The following STAC variants were observed in gnomAD, a reference collection of about 807,000 sequenced individuals.
The protein encoded by STAC is SH3 and cysteine-rich domain-containing protein.
In STAC, 43 loss-of-function variants were observed where a neutral mutation model predicts 48.8. The observed-to-expected ratio is 0.88, with a 90% confidence interval of 0.69 to 1.14. STAC has a LOEUF of 1.14. STAC is among the 50% of genes most tolerant of loss of function. The probability of loss-of-function intolerance (pLI) is 0.00; values close to 1 mark genes in which losing one functional copy is unlikely to be tolerated. For synonymous variants in STAC, 193 were observed against 179.5 expected, an observed-to-expected ratio of 1.07 and a Z score of -0.60; for missense variants, 497 against 504.0, an observed-to-expected ratio of 0.99 and a Z score of 0.13.
At chr3:36,482,851 A>G (rs767914948) in intron 2 of STAC, 141 bp from the exon 3 acceptor site, 12 of 620,966 alleles carry the variant, frequency 1.9e-5, no homozygotes, top group Non-Finnish European at 3.2e-5. Context: ...TCTACCATAT[A>G]TATTTTTTTT....
At chr3:36,512,737 G>A (rs766137701) in intron 8 of STAC, among the ~76,000 whole-genome samples, 5 of 152,128 alleles carry the variant, frequency 3.3e-5, no homozygotes, top group Non-Finnish European at 5.9e-5. Flanking sequence ...GGAGTGAAAT[G>A]TCTGCATTGC....
intron 1 of STAC, among the ~76,000 whole-genome samples, chr3:36,413,402 T>G (rs976773858): frequency 1.3e-5 from 2 of 152,232 alleles, no homozygotes; most frequent in African/African-American, 2.4e-5. Flanking sequence ...CTCTTGCTGT[T>G]GAATTGATCC....
At chr3:36,499,374 C>T (rs368120384) in intron 6 of STAC, among the ~76,000 whole-genome samples, 4 of 151,916 alleles carry the variant, frequency 2.6e-5, no homozygotes, top group South Asian at 2.1e-4. Flanking sequence ...GCTTGGGAGG[C>T]GATTAAATAT....
At chr3:36,395,462 G>A (rs1225573059) in intron 1 of STAC, among the ~76,000 whole-genome samples, 4 of 152,268 alleles carry the variant, frequency 2.6e-5, no homozygotes, top group Middle Eastern at 3.4e-3. Flanking sequence ...CCTCCTCAGG[G>A]AGCCATCTTC....
chr3:36,496,699 G>A (rs114538872), intron 6 of STAC, among the ~76,000 whole-genome samples: 295 of 152,302 alleles, frequency 1.9e-3, no homozygotes, highest in African/African-American at 6.6e-3. Flanking sequence ...GGAGGAAATT[G>A]TTGGTCTTCA....
At chr3:36,425,277 T>C (rs1203547875) in intron 1 of STAC, among the ~76,000 whole-genome samples, 1 of 152,204 alleles carries the variant, frequency 6.6e-6, no homozygotes, top group Non-Finnish European at 1.5e-5. Flanking sequence ...AAGAAGAGCA[T>C]ATCGCTTTTG....
At chr3:36,523,308 A>G (rs1698850054) in intron 8 of STAC, among the ~76,000 whole-genome samples, 1 of 152,202 alleles carries the variant, frequency 6.6e-6, no homozygotes, top group South Asian at 2.1e-4. Context: ...AATTTTACTG[A>G]GCAAACAAAA....
At chr3:36,435,357 T>C (rs1267550220) in intron 1 of STAC, among the ~76,000 whole-genome samples, 2 of 152,052 alleles carry the variant, frequency 1.3e-5, no homozygotes, top group Admixed American at 1.3e-4. Flanking sequence ...TTCCACCAAC[T>C]CTTCTCCATC....
chr3:36,401,957 T>G (rs1467758978), intron 1 of STAC, among the ~76,000 whole-genome samples: 3 of 152,106 alleles, frequency 2.0e-5, no homozygotes, highest in African/African-American at 7.2e-5. Context: ...GTACATCATT[T>G]TATTTAGTCT....
At chr3:36,400,050 TAGTG>T (rs1699969752) in intron 1 of STAC, among the ~76,000 whole-genome samples, 1 of 152,176 alleles carries the variant, frequency 6.6e-6, no homozygotes, top group Non-Finnish European at 1.5e-5. Flanking sequence ...AGTAAAGTAA[TAGTG>T]AGTGACCTGT....
intron 5 of STAC, among the ~76,000 whole-genome samples, chr3:36,486,842 G>A (rs1447745566): frequency 2.0e-5 from 3 of 152,120 alleles, no homozygotes; most frequent in Non-Finnish European, 4.4e-5. Flanking sequence ...TCATCATCTT[G>A]TCTCTGGTTG....
intron 8 of STAC, among the ~76,000 whole-genome samples, chr3:36,510,319 G>A (rs1296465392): frequency 6.6e-6 from 1 of 152,184 alleles, no homozygotes; most frequent in African/African-American, 2.4e-5. Flanking sequence ...TGCTGGAGAG[G>A]ATGTGGAGAA....
chr3:36,444,657 C>A (rs916077846), intron 2 of STAC, among the ~76,000 whole-genome samples: 1 of 152,220 alleles, frequency 6.6e-6, no homozygotes, highest in Non-Finnish European at 1.5e-5. Flanking sequence ...AACCCCCTAG[C>A]CCCCACCTGC....
At chr3:36,487,855 C>T (rs1697856982) in intron 5 of STAC, among the ~76,000 whole-genome samples, 1 of 152,126 alleles carries the variant, frequency 6.6e-6, no homozygotes, top group Admixed American at 6.5e-5. Context: ...ACCTGATGAC[C>T]TCCTTAGGGA....
Position 36,546,486 on chromosome 3 carries a change from A to G in STAC, c.*197A>G. ...CACTGCACAGCATATCCAGGCTGCC[A>G]CAGGTGGGGACGAGGCTGAGAGAGT... On this transcript the variant is annotated 3_prime_UTR_variant, in exon 11 of 11. Transcript: ENST00000273183. The G allele has an allele frequency of 3.4e-6, 2 of 579,956 alleles. No individual in the cohort carries two copies. The highest frequency in any genetic ancestry group is 6.1e-6 in the Non-Finnish European group (2 of 326,692). 35.9% of individuals were successfully genotyped at this position (579,956 alleles called of 1,614,324 possible).
intron 8 of STAC, among the ~76,000 whole-genome samples, chr3:36,516,038 C>T (rs1353974382): frequency 1.6e-5 from 2 of 126,286 alleles, no homozygotes; most frequent in African/African-American, 6.1e-5. Context: ...AGCCAGAGAG[C>T]AGTGGCGCAA....
intron 8 of STAC, among the ~76,000 whole-genome samples, chr3:36,515,502 GA>G (rs1343404744): frequency 6.6e-6 from 1 of 151,924 alleles, no homozygotes; most frequent in African/African-American, 2.4e-5. Flanking sequence ...AAGGAGGAAA[GA>G]AAAAAAGTGG....
At chr3:36,448,174 TTTTATTTTATTTTAC>T (rs1318692511) in intron 2 of STAC, among the ~76,000 whole-genome samples, 25 of 142,698 alleles carry the variant, frequency 1.8e-4, no homozygotes, top group Admixed American at 3.0e-4. Context: ...TTTTATTTTA[TTTTATTTTATTTTAC>T]TTTATTTTAC....
At chr3:36,386,373 G>GA (rs1009088327) in intron 1 of STAC, among the ~76,000 whole-genome samples, 37 of 149,734 alleles carry the variant, frequency 2.5e-4, no homozygotes, top group African/African-American at 8.0e-4. Context: ...AACGTTGAGA[G>GA]AAAAAATGTA....
Sources: allele counts gnomAD v4.1 joint callset (sites outside exome capture counted in the v4.1 genomes callset), GRCh38; gene constraint gnomAD v4.1.1; transcripts MANE v1.5; gene names NCBI Gene and HGNC (gene_info 2026-07-23, HGNC 2026-07-21).